PCDHA12: variants seen among roughly 807,000 people sequenced by gnomAD.
PCDHA12 encodes the protein protocadherin alpha 12.
PCDHA12 carries 44 observed loss-of-function variants against 60.0 expected under a neutral mutation model. The observed-to-expected ratio is 0.73, with a 90% CI of 0.58 to 0.94. The LOEUF (loss-of-function observed/expected upper bound fraction) is 0.94. Among genes scored for constraint, PCDHA12 ranks in the 40% least tolerant of loss-of-function variants. The pLI, the probability that PCDHA12 is intolerant of heterozygous loss-of-function variation, is 0.00. For synonymous variants in PCDHA12, 569 were observed against 553.0 expected (o/e 1.03, Z -0.40); for missense variants, 1,276 against 1,239.7 (o/e 1.03, Z -0.44).
chr5:140,969,203 G>A (rs781962982), intron 1 of PCDHA12: 2 of 1,614,178 alleles, frequency 1.2e-6, no homozygotes, highest in Non-Finnish European at 8.5e-7. Flanking sequence ...CAATACAGGG[G>A]CCCAGACAGG....
chr5:140,929,679 G>T lies in PCDHA12; in HGVS notation c.2368-49270G>T, dbSNP rs142104946. ...ATTTAAAGTGAAGAATGAAAAATAT[G>T]TAAGAGTCTGCTTTATATGAATATA... On this transcript the variant is annotated intron_variant, in intron 1 of 3. Coordinates refer to ENST00000398631, the MANE Select transcript of PCDHA12 (RefSeq NM_018903.4). 2.7e-3 allele frequency: 822 copies of T among 303,170 alleles called. 4 individuals are homozygous for T. Among genetic ancestry groups the T allele is most frequent in the African/African-American group, 0.017 (768 of 46,460 alleles). The allele number at this position is 303,170 out of a possible 1,614,324, so 18.8% of individuals were successfully genotyped here. A position where few individuals can be genotyped will look rare whatever the true frequency, so the allele number is the denominator to read the frequency against.
At chr5:140,921,500 A>G (rs2080246724) in intron 1 of PCDHA12, among the ~76,000 whole-genome samples, 1 of 152,210 alleles carries the variant, frequency 6.6e-6, no homozygotes, top group Admixed American at 6.5e-5. Context: ...AGTTTATTAG[A>G]TAGTGCCTAA....
chr5:140,925,424 T>C (rs1554202738), intron 1 of PCDHA12, among the ~76,000 whole-genome samples: 1 of 152,038 alleles, frequency 6.6e-6, no homozygotes, highest in Non-Finnish European at 1.5e-5. Context: ...GAACTGGTTG[T>C]AGGGTGTTAG....
chr5:140,887,326 G>A (rs1344500973), intron 1 of PCDHA12, among the ~76,000 whole-genome samples: 7 of 152,230 alleles, frequency 4.6e-5, no homozygotes, highest in South Asian at 2.1e-4. Context: ...TCGAACTCCT[G>A]ACCTCGTGAT....
chr5:140,938,226 A>G lies in PCDHA12; in HGVS notation c.2368-40723A>G, dbSNP rs529190111. On this transcript the variant is annotated intron_variant, in intron 1 of 3. Transcript: ENST00000398631. ...CTCCCAAAGTGCTGGGATTACAGGC[A>G]TAGGCCACCATGCCTGGTCTTTTAA... Among the ~76,000 whole-genome samples the G allele has an allele frequency of 3.3e-5, 5 of 152,330 alleles. No individual in the cohort carries two copies. In the South Asian group the frequency reaches 1.0e-3, roughly 32 times the overall value.
At chr5:141,004,100 ATCT>A (rs1241437793) in intron 3 of PCDHA12, among the ~76,000 whole-genome samples, 4 of 152,204 alleles carry the variant, frequency 2.6e-5, no homozygotes, top group Non-Finnish European at 5.9e-5. Context: ...TTCCGTTTTC[ATCT>A]TCTTCAAAAG....
At chr5:140,994,329 T>A (rs1041024319) in intron 3 of PCDHA12, among the ~76,000 whole-genome samples, 2 of 152,096 alleles carry the variant, frequency 1.3e-5, no homozygotes, top group Non-Finnish European at 2.9e-5. Context: ...TCAGCAACCA[T>A]GAACAGTGGA....
At chr5:140,941,754 T>A (rs2093159057) in intron 1 of PCDHA12, among the ~76,000 whole-genome samples, 1 of 152,256 alleles carries the variant, frequency 6.6e-6, no homozygotes, top group African/African-American at 2.4e-5. Context: ...AGATTTTCAG[T>A]GCTTTTAAGA....
intron 1 of PCDHA12, among the ~76,000 whole-genome samples, chr5:140,903,060 T>C (rs1412957275): frequency 6.6e-6 from 1 of 152,316 alleles, no homozygotes; most frequent in East Asian, 1.9e-4. Flanking sequence ...TGACTTCTTT[T>C]CCTTTGGGTA....
At chr5:140,895,389 C>T (rs553681530) in intron 1 of PCDHA12, among the ~76,000 whole-genome samples, 1 of 152,098 alleles carries the variant, frequency 6.6e-6, no homozygotes, top group South Asian at 2.1e-4. Context: ...CTTCAATTCT[C>T]AACACCATCA....
intron 1 of PCDHA12, chr5:140,968,002 G>A: frequency 6.2e-7 from 1 of 1,614,208 alleles, no homozygotes; most frequent in South Asian, 1.1e-5. Flanking sequence ...CTTTCCGACT[G>A]AATGGCTTTG....
chr5:140,886,076 A>C (rs1554182342), intron 1 of PCDHA12, among the ~76,000 whole-genome samples: 3 of 152,198 alleles, frequency 2.0e-5, no homozygotes, highest in African/African-American at 7.2e-5. Flanking sequence ...GGGCCATACC[A>C]CAACCTGGAT....
intron 1 of PCDHA12, among the ~76,000 whole-genome samples, chr5:140,963,550 A>G (rs1484541648): frequency 6.6e-6 from 1 of 152,202 alleles, no homozygotes; most frequent in Non-Finnish European, 1.5e-5. Context: ...TGATATAAAA[A>G]GGGGCTGTTT....
Position 140,876,418 on chromosome 5 carries a change from T to C in PCDHA12, c.946T>C (p.Tyr316His). ...ACTGGATTTTGAAGAGAATAATGCCTATGAAATTCAGGTTAACGCCATTGA... is the reference window on the plus strand; with the variant it reads ...ACTGGATTTTGAAGAGAATAATGCCCATGAAATTCAGGTTAACGCCATTGA... ...GELDFEENNA[Y>H]EIQVNAIDKG... The change falls in exon 1 of 4, where the codon TAT (tyrosine) becomes CAT (histidine). Residue 316 changes from tyrosine to histidine, a missense_variant. By Grantham distance (83) the Tyr-to-His change is moderately conservative (BLOSUM62 2). Coordinates refer to ENST00000398631, the MANE Select transcript of PCDHA12 (RefSeq NM_018903.4). 1 of 1,613,982 alleles carries C rather than the reference T, an allele frequency of 6.2e-7. No individual in the cohort carries two copies. Among genetic ancestry groups the C allele is most frequent in the Non-Finnish European group, 8.5e-7 (1 of 1,179,900 alleles).
At chr5:140,917,326 G>GA (rs1425389614) in intron 1 of PCDHA12, among the ~76,000 whole-genome samples, 3 of 149,490 alleles carry the variant, frequency 2.0e-5, no homozygotes, top group Non-Finnish European at 4.5e-5. Flanking sequence ...TCATGTGGCG[G>GA]GGGAGGGGGG....
intron 2 of PCDHA12, among the ~76,000 whole-genome samples, chr5:140,979,725 G>A (rs2096861699): frequency 6.6e-6 from 1 of 152,136 alleles, no homozygotes; most frequent in South Asian, 2.1e-4. Context: ...CCATGCCATG[G>A]GGCCAAATAA....
At chr5:140,878,103 G>GA (rs748975221) in intron 1 of PCDHA12, 34 of 261,730 alleles carry the variant, frequency 1.3e-4, no homozygotes, top group Non-Finnish European at 2.0e-4. Context: ...GATGAACCTT[G>GA]AAAAAAACAG....
intron 1 of PCDHA12, among the ~76,000 whole-genome samples, chr5:140,887,521 T>C (rs561642770): frequency 1.3e-5 from 2 of 152,346 alleles, no homozygotes; most frequent in Admixed American, 1.3e-4. Flanking sequence ...TTTTTATATA[T>C]GAGTCTTCCT....
chr5:140,884,988 ATGTT>A (rs1398620689), intron 1 of PCDHA12, among the ~76,000 whole-genome samples: 1 of 152,242 alleles, frequency 6.6e-6, no homozygotes, highest in Non-Finnish European at 1.5e-5. Context: ...CATTTAGAAA[ATGTT>A]TGTTTTAATG....
Sources: allele counts gnomAD v4.1 joint callset (sites outside exome capture counted in the v4.1 genomes callset), GRCh38; gene constraint gnomAD v4.1.1; transcripts MANE v1.5; gene names NCBI Gene and HGNC (gene_info 2026-07-23, HGNC 2026-07-21).